The following DAAM1 variants were observed in gnomAD, a reference collection of about 807,000 sequenced individuals.
The protein encoded by DAAM1 is dishevelled associated activator of morphogenesis 1.
Under a neutral mutation model 130.0 loss-of-function variants are expected in DAAM1, and 52 were observed. The observed-to-expected ratio is 0.40, with a 90% CI of 0.32 to 0.50. DAAM1 has a LOEUF of 0.50. Among genes scored for constraint, DAAM1 ranks in the 20% least tolerant of loss-of-function variants. The pLI is 0.61. For synonymous variants in DAAM1, 452 were observed against 444.5 expected, an observed-to-expected ratio of 1.02 and a Z score of -0.21; for missense variants, 1,134 against 1,303.8, an observed-to-expected ratio of 0.87 and a Z score of 2.01.
intron 16 of DAAM1, among the ~76,000 whole-genome samples, chr14:59,342,153 T>C (rs1223346616): frequency 6.6e-6 from 1 of 152,242 alleles, no homozygotes; most frequent in Admixed American, 6.5e-5. Context: ...TTTTAAGAAC[T>C]GGCCTCGTAT....
chr14:59,286,703 AACAC>A (rs942410041), intron 2 of DAAM1, among the ~76,000 whole-genome samples: 23 of 152,282 alleles, frequency 1.5e-4, no homozygotes, highest in African/African-American at 5.5e-4. Flanking sequence ...CATTCCCAGA[AACAC>A]ACAGCCTCCC....
At chr14:59,260,564 AATTT>A (rs1387175018) in intron 1 of DAAM1, among the ~76,000 whole-genome samples, 4 of 152,056 alleles carry the variant, frequency 2.6e-5, no homozygotes, top group Non-Finnish European at 5.9e-5. Flanking sequence ...GTTGTACCAT[AATTT>A]ATTTACCTTT....
At chr14:59,233,232 T>TG (rs1331759348) in intron 1 of DAAM1, among the ~76,000 whole-genome samples, 7 of 152,236 alleles carry the variant, frequency 4.6e-5, no homozygotes, top group African/African-American at 1.7e-4. Context: ...CCACAATGGT[T>TG]GAACTAATTT....
chr14:59,308,012 C>T (rs756541433), intron 3 of DAAM1, among the ~76,000 whole-genome samples: 1 of 152,094 alleles, frequency 6.6e-6, no homozygotes, highest in Non-Finnish European at 1.5e-5. Context: ...AACAAGTTTC[C>T]CTCCACTTAA....
intron 1 of DAAM1, among the ~76,000 whole-genome samples, chr14:59,231,850 T>G (rs996677030): frequency 1.3e-5 from 2 of 152,214 alleles, no homozygotes; most frequent in African/African-American, 4.8e-5. Flanking sequence ...ACTAAATATG[T>G]CCTTTCAAAA....
chr14:59,367,942 C>A lies in DAAM1; in HGVS notation c.2997+343C>A, dbSNP rs972249909. Among the ~76,000 whole-genome samples the A allele has an allele frequency of 4.2e-4, 64 of 152,020 alleles. 1 individual carries two copies. The highest frequency in any genetic ancestry group is 2.1e-4 in the South Asian group (1 of 4,816). The stretch of plus-strand genomic sequence containing the variant: ...AATGTTTACCAAAAGGGGATGAGTT[C>A]TAAATGATATAACAGCCATATAATG... On this transcript the variant is annotated intron_variant, in intron 24 of 24. Transcript: ENST00000360909.
intron 10 of DAAM1, 46 bp downstream of exon 10, chr14:59,326,123 A>G (rs559745090): frequency 2.6e-6 from 4 of 1,553,034 alleles, no homozygotes; most frequent in South Asian, 1.1e-5. Flanking sequence ...ATGTTTGGAC[A>G]TTGTCCTAAT....
chr14:59,323,974 G>T (rs1252664278), intron 6 of DAAM1, among the ~76,000 whole-genome samples, 154 bp from the exon 7 acceptor site: 1 of 151,828 alleles, frequency 6.6e-6, no homozygotes, highest in African/African-American at 2.4e-5. Context: ...GGAGGTTGCC[G>T]TGAGCTGAGA....
chr14:59,345,745 C>T (rs1316840051), intron 16 of DAAM1, among the ~76,000 whole-genome samples: 1 of 152,104 alleles, frequency 6.6e-6, no homozygotes, highest in Non-Finnish European at 1.5e-5. Context: ...ACCTTTGTGT[C>T]TTGAGGATTT....
chr14:59,271,573 C>G (rs1882708218), intron 2 of DAAM1, among the ~76,000 whole-genome samples: 1 of 152,044 alleles, frequency 6.6e-6, no homozygotes, highest in South Asian at 2.1e-4. Context: ...ACTTGGGAAC[C>G]TACATCAATA....
At chr14:59,249,448 C>CA (rs1469041533) in intron 1 of DAAM1, among the ~76,000 whole-genome samples, 4 of 152,178 alleles carry the variant, frequency 2.6e-5, no homozygotes, top group African/African-American at 9.7e-5. Flanking sequence ...TTGCTGTTCT[C>CA]AAAATCATTG....
intron 1 of DAAM1, among the ~76,000 whole-genome samples, chr14:59,234,401 G>T (rs954550683): frequency 2.6e-5 from 4 of 152,094 alleles, no homozygotes; most frequent in African/African-American, 9.7e-5. Flanking sequence ...ATTGTGAATG[G>T]CAGTTTATTC....
intron 1 of DAAM1, among the ~76,000 whole-genome samples, chr14:59,189,083 C>T (rs1360924502): frequency 2.6e-5 from 4 of 152,302 alleles, no homozygotes; most frequent in Middle Eastern, 3.4e-3. Context: ...TTCTAAGGCG[C>T]CCGGCTGGCC....
intron 2 of DAAM1, among the ~76,000 whole-genome samples, chr14:59,289,534 G>A (rs957086450): frequency 2.8e-4 from 42 of 152,152 alleles, no homozygotes; most frequent in African/African-American, 9.2e-4. Flanking sequence ...TGGTAAGAAT[G>A]CAAATTAGTT....
At chr14:59,333,899 T>C (rs528425393) in intron 15 of DAAM1, among the ~76,000 whole-genome samples, 6 of 152,320 alleles carry the variant, frequency 3.9e-5, no homozygotes, top group Admixed American at 2.6e-4. Flanking sequence ...GGAGACAAGA[T>C]TGCAGAAAGC....
intron 2 of DAAM1, among the ~76,000 whole-genome samples, chr14:59,282,730 A>C (rs183180151): frequency 1.3e-5 from 2 of 152,280 alleles, no homozygotes; most frequent in African/African-American, 4.8e-5. Flanking sequence ...TTTCTGGAAA[A>C]CAGTATAATA....
At chr14:59,285,683 T>C (rs1229441710) in intron 2 of DAAM1, among the ~76,000 whole-genome samples, 1 of 152,126 alleles carries the variant, frequency 6.6e-6, no homozygotes, top group African/African-American at 2.4e-5. Context: ...AAGAAAGGCA[T>C]TGCATAATGA....
At chr14:59,276,880 GT>G (rs1566680293) in intron 2 of DAAM1, among the ~76,000 whole-genome samples, 1 of 152,030 alleles carries the variant, frequency 6.6e-6, no homozygotes, top group Non-Finnish European at 1.5e-5. Flanking sequence ...TCTTTCTCTC[GT>G]TTTTCTTAGT....
At chr14:59,268,471 G>A in intron 2 of DAAM1, among the ~76,000 whole-genome samples, 1 of 152,122 alleles carries the variant, frequency 6.6e-6, no homozygotes, top group East Asian at 1.9e-4. Context: ...ATGTATGAGG[G>A]TTCCAGTTTC....
Sources: gnomAD v4.1 joint callset for allele counts (sites outside exome capture counted in the v4.1 genomes callset) on GRCh38, gnomAD v4.1.1 for gene constraint, MANE v1.5 for transcripts, NCBI Gene and HGNC (gene_info 2026-07-23, HGNC 2026-07-21) for gene names.